LARP1B: variants seen among roughly 807,000 people sequenced by gnomAD.
LARP1B encodes la-related protein 1B.
LARP1B carries 76 observed loss-of-function variants against 114.2 expected under a neutral mutation model. The observed-to-expected ratio is 0.67, with a 90% CI of 0.55 to 0.81. LARP1B has a LOEUF of 0.81. LARP1B is among the 30% of genes least tolerant of loss of function. The pLI is 0.00. For missense variants in LARP1B, 1,014 were observed against 1,075.8 expected (o/e 0.94, Z 0.80); for synonymous variants, 345 against 348.0 (o/e 0.99, Z 0.10).
rs1304420260 is a variant in LARP1B, at chr4:128,122,107, T to G, written c.1443T>G (p.Ala481=). 6.2e-7 allele frequency: 1 copy of G among 1,613,990 alleles called. No homozygotes were observed. Among genetic ancestry groups the G allele is most frequent in the African/African-American group, 1.3e-5 (1 of 74,932 alleles). ...MSRAKITSEL[A]KVINDGLYYY... is the part of the protein sequence containing the mutation. ...GGGCAAAAATCACATCTGAACTTGC[T>G]AAAGTTATCAATGATGGCTTATACT... The change falls in exon 11 of 20, where the codon GCT becomes GCG. Residue 481 remains alanine (A), a synonymous_variant. Coordinates refer to ENST00000326639, the MANE Select transcript of LARP1B (RefSeq NM_018078.4).
intron 9 of LARP1B, 50 bp from the exon 10 acceptor site, chr4:128,114,520 G>A (rs989651670): frequency 1.4e-5 from 19 of 1,357,566 alleles, no homozygotes; most frequent in Non-Finnish European, 1.9e-5. Flanking sequence ...TATTTTGTAA[G>A]TAAGAAAAGC....
intron 15 of LARP1B, among the ~76,000 whole-genome samples, chr4:128,188,739 A>G (rs1751200652): frequency 6.6e-6 from 1 of 152,126 alleles, no homozygotes; most frequent in African/African-American, 2.4e-5. Flanking sequence ...TTTTCTTCTT[A>G]ATTTCTTTAT....
intron 8 of LARP1B, among the ~76,000 whole-genome samples, chr4:128,103,864 CTCTT>C (rs1405146384): frequency 6.9e-6 from 1 of 145,194 alleles, no homozygotes; most frequent in Non-Finnish European, 1.5e-5. Context: ...GCCTGGCCTC[CTCTT>C]TTTTTATTTT....
chr4:128,176,960 T>C, intron 13 of LARP1B, 53 bp downstream of exon 13: 1 of 1,481,458 alleles, frequency 6.8e-7, no homozygotes, highest in Non-Finnish European at 9.4e-7. Flanking sequence ...TTGCATTGGG[T>C]ATACAAAAGA....
intron 15 of LARP1B, among the ~76,000 whole-genome samples, chr4:128,190,298 C>G (rs1751801403): frequency 6.6e-6 from 1 of 152,110 alleles, no homozygotes; most frequent in Non-Finnish European, 1.5e-5. Context: ...GTTGAAAAGT[C>G]TCTTGCCAAA....
rs1581101807 is a variant in LARP1B at position 128,155,935 on chromosome 4, A to C, written c.1525-6259A>C. ...CCCCGAAGGAGCCAAGGAGGGGTAC[A>C]CAGGCGGTACCAGCGGCACCAGCAG... On this transcript the variant is annotated intron_variant, in intron 11 of 19. Transcript: ENST00000326639. 6.8e-5 allele frequency: 104 copies of C among 1,533,424 alleles called. No individual in the cohort carries two copies. In the East Asian group the frequency reaches 2.3e-3, roughly 34 times the overall value. The allele number at this position is 1,533,424 out of a possible 1,614,324, so 95.0% of individuals were successfully genotyped here.
At chr4:128,172,158 A>G (rs1743998137) in intron 12 of LARP1B, among the ~76,000 whole-genome samples, 1 of 151,566 alleles carries the variant, frequency 6.6e-6, no homozygotes, top group Middle Eastern at 3.4e-3. Context: ...TTTTTTTTCA[A>G]TTTCTTTTTT....
In LARP1B at chr4:128,114,668, A is replaced by G; in HGVS notation, c.1087A>G (p.Ser363Gly). ...AGCAATGTCTAGAGGTTTGTCTACC[A>G]GTTTGCCTGACTTGGACTCAGAACC... is the stretch of plus-strand genomic sequence containing the variant. ...LQAMSRGLSTSLPDLDSEPWI... is the reference protein window; with the variant it reads ...LQAMSRGLSTGLPDLDSEPWI... Residue 363 changes from serine to glycine, a missense_variant, in exon 10 of 20, where the codon AGT becomes GGT. Transcript: ENST00000326639. 6.2e-7 allele frequency: 1 copy of G among 1,614,126 alleles called. No homozygotes were observed. Among genetic ancestry groups the G allele is most frequent in the Non-Finnish European group, 8.5e-7 (1 of 1,179,958 alleles).
intron 8 of LARP1B, among the ~76,000 whole-genome samples, chr4:128,101,885 CT>C (rs1780465749): frequency 6.6e-6 from 1 of 152,184 alleles, no homozygotes; most frequent in Admixed American, 6.5e-5. Flanking sequence ...CTGTCTACTT[CT>C]GTACGAATGT....
intron 11 of LARP1B, among the ~76,000 whole-genome samples, chr4:128,133,449 G>A (rs962337855): frequency 6.6e-6 from 1 of 152,206 alleles, no homozygotes; most frequent in African/African-American, 2.4e-5. Context: ...TACAGCTTCA[G>A]TGCAATGCCT....
chr4:128,071,798 C>A (rs1309089199), intron 1 of LARP1B, among the ~76,000 whole-genome samples: 2 of 150,080 alleles, frequency 1.3e-5, no homozygotes, highest in Admixed American at 6.7e-5. Context: ...ATATTGATAT[C>A]ATCAGTGCAT....
intron 15 of LARP1B, among the ~76,000 whole-genome samples, chr4:128,195,923 T>G (rs1164703888): frequency 6.6e-6 from 1 of 152,072 alleles, no homozygotes; most frequent in Non-Finnish European, 1.5e-5. Flanking sequence ...AAATGGGATA[T>G]TACTACTGGT....
At chr4:128,092,517 C>G (rs1580214584) in intron 7 of LARP1B, among the ~76,000 whole-genome samples, 1 of 152,044 alleles carries the variant, frequency 6.6e-6, no homozygotes, top group South Asian at 2.1e-4. Context: ...AAAAATGTTG[C>G]CAAGTAATTT....
At chr4:128,069,505 G>T in intron 1 of LARP1B, 1 of 750,720 alleles carries the variant, frequency 1.3e-6, no homozygotes, top group Non-Finnish European at 2.4e-6. Flanking sequence ...AGCCAGATGG[G>T]GTGGGGAGCC....
intron 5 of LARP1B, among the ~76,000 whole-genome samples, chr4:128,083,868 G>T (rs1448794453): frequency 6.6e-6 from 1 of 151,848 alleles, no homozygotes; most frequent in Non-Finnish European, 1.5e-5. Flanking sequence ...TCCCAGACGG[G>T]GTGGCTGCCG....
intron 11 of LARP1B, among the ~76,000 whole-genome samples, chr4:128,160,151 G>T (rs1357903440): frequency 1.3e-5 from 2 of 152,202 alleles, no homozygotes; most frequent in Non-Finnish European, 2.9e-5. Flanking sequence ...GTAAACAAAT[G>T]AGTGTGGTTA....
chr4:128,095,489 C>A (rs1467814596), intron 7 of LARP1B, among the ~76,000 whole-genome samples: 20 of 61,248 alleles, frequency 3.3e-4, no homozygotes, highest in African/African-American at 7.8e-4. Flanking sequence ...AACTCCATCT[C>A]AAAAAAAAAA....
At chr4:128,139,483 C>G (rs1205799836) in intron 11 of LARP1B, among the ~76,000 whole-genome samples, 2 of 151,934 alleles carry the variant, frequency 1.3e-5, no homozygotes, top group African/African-American at 2.4e-5. Context: ...TGAATGGCCA[C>G]TGCACTCCAG....
intron 15 of LARP1B, among the ~76,000 whole-genome samples, chr4:128,197,250 T>C (rs908894034): frequency 6.6e-6 from 1 of 152,226 alleles, no homozygotes; most frequent in Admixed American, 6.5e-5. Context: ...CTCCTAAAAT[T>C]CTTTTTTATT....
Sources: gnomAD v4.1 joint callset for allele counts (sites outside exome capture counted in the v4.1 genomes callset) on GRCh38, gnomAD v4.1.1 for gene constraint, MANE v1.5 for transcripts, NCBI Gene and HGNC (gene_info 2026-07-23, HGNC 2026-07-21) for gene names.